NCALD: variants seen among roughly 807,000 people sequenced by gnomAD.
The protein encoded by NCALD is neurocalcin-delta.
A neutral mutation model predicts 18.6 loss-of-function variants in NCALD; 10 were observed. The observed-to-expected ratio is 0.54, with a 90% CI of 0.33 to 0.91. The LOEUF (loss-of-function observed/expected upper bound fraction) is 0.91, where lower values mean the gene tolerates loss of function less well. NCALD is among the 40% of genes least tolerant of loss of function. NCALD has a pLI of 0.03. For synonymous variants in NCALD, 88 were observed against 87.4 expected (o/e 1.01, Z -0.04); for missense variants, 184 against 247.6 (o/e 0.74, Z 1.72).
chr8:102,060,253 T>C (rs1481327143), intron 1 of NCALD, among the ~76,000 whole-genome samples: 2 of 152,182 alleles, frequency 1.3e-5, no homozygotes, highest in Non-Finnish European at 2.9e-5. Flanking sequence ...AATGCTGGGA[T>C]TACAGGCATG....
At position 101,934,426 on chromosome 8, in the gene NCALD, C is replaced by T. The variant is rs181008594; in HGVS notation, c.-156-18568G>A. On this transcript the variant is annotated intron_variant, in intron 2 of 6. Transcript: ENST00000311028. ...GATAAGCTCCCGCAAGAAGATTAGG[C>T]ATAGTGAGAAGAATGGAGAAATAAA... 1.6e-4 allele frequency among the ~76,000 whole-genome samples: 24 copies of T among 151,994 alleles called. No homozygotes were observed. The East Asian group carries it at 4.6e-3, about 29-fold the overall frequency.
intron 1 of NCALD, among the ~76,000 whole-genome samples, chr8:102,057,747 T>G (rs184857592): frequency 6.6e-6 from 1 of 152,350 alleles, no homozygotes; most frequent in East Asian, 1.9e-4. Flanking sequence ...TTACATTCAC[T>G]GCCTAACTTT....
intron 1 of NCALD, among the ~76,000 whole-genome samples, chr8:101,720,699 A>G (rs1816312969): frequency 6.6e-6 from 1 of 152,206 alleles, no homozygotes; most frequent in Non-Finnish European, 1.5e-5. Flanking sequence ...CTACTCCCTT[A>G]AAGAATGATT....
chr8:101,902,272 G>GTT (rs71268535), intron 3 of NCALD, among the ~76,000 whole-genome samples: 1 of 112,146 alleles, frequency 8.9e-6, no homozygotes, highest in African/African-American at 5.3e-5. Context: ...CATCCACTGA[G>GTT]TTTTTTTTTT....
At chr8:101,714,629 T>C (rs1278058353) in intron 2 of NCALD, among the ~76,000 whole-genome samples, 1 of 152,116 alleles carries the variant, frequency 6.6e-6, no homozygotes, top group Non-Finnish European at 1.5e-5. Flanking sequence ...TTCACAGAAT[T>C]AGAAAAAAGT....
intron 4 of NCALD, among the ~76,000 whole-genome samples, chr8:101,864,170 A>T (rs1453271313): frequency 6.6e-6 from 1 of 152,218 alleles, no homozygotes; most frequent in African/African-American, 2.4e-5. Context: ...AAGCAAGTCT[A>T]CTTCCTGCTA....
chr8:101,726,185 T>C (rs1230250859), intron 1 of NCALD, among the ~76,000 whole-genome samples: 1 of 152,148 alleles, frequency 6.6e-6, no homozygotes, highest in African/African-American at 2.4e-5. Flanking sequence ...ATGTGGAACC[T>C]GGAGGTGACT....
chr8:102,030,263 G>C (rs1822620746), intron 1 of NCALD, among the ~76,000 whole-genome samples: 1 of 152,218 alleles, frequency 6.6e-6, no homozygotes, highest in South Asian at 2.1e-4. Flanking sequence ...AGAAAGGCCT[G>C]AGCTGGAGAA....
Position 101,851,147 on chromosome 8 carries a change from T to C in NCALD, c.-20+35994A>G, listed in dbSNP as rs568565904. ...AAAAACCTGTTATCCCTGGAGAATC[T>C]TACGAGATTAGTGTTCTTTAGCTTA... On this transcript the variant is annotated intron_variant, in intron 4 of 6. Transcript: ENST00000311028. Among the ~76,000 whole-genome samples the C allele has an allele frequency of 6.6e-5, 10 of 152,334 alleles. No individual in the cohort carries two copies. The East Asian group carries it at 7.7e-4, about 12-fold the overall frequency.
At chr8:101,854,101 T>C (rs945109154) in intron 4 of NCALD, among the ~76,000 whole-genome samples, 3 of 152,236 alleles carry the variant, frequency 2.0e-5, no homozygotes, top group African/African-American at 4.8e-5. Flanking sequence ...ATGTTTAAAA[T>C]GTGAAACCTT....
At chr8:102,060,066 C>T (rs918015356) in intron 1 of NCALD, among the ~76,000 whole-genome samples, 1 of 152,146 alleles carries the variant, frequency 6.6e-6, no homozygotes, top group Non-Finnish European at 1.5e-5. Flanking sequence ...CTGCAAGCTT[C>T]GCCTCCCAGG....
intron 1 of NCALD, among the ~76,000 whole-genome samples, chr8:102,118,148 G>A (rs1363978063): frequency 6.6e-6 from 1 of 152,222 alleles, no homozygotes; most frequent in African/African-American, 2.4e-5. Context: ...GGAGGCACCA[G>A]CACCAGATCA....
chr8:101,902,388 T>C (rs1014838249), intron 3 of NCALD, among the ~76,000 whole-genome samples: 1 of 152,164 alleles, frequency 6.6e-6, no homozygotes, highest in Non-Finnish European at 1.5e-5. Flanking sequence ...AAGAAACTTC[T>C]TTCTGCTTCC....
intron 4 of NCALD, among the ~76,000 whole-genome samples, chr8:101,879,693 A>T (rs1324423378): frequency 6.6e-6 from 1 of 152,152 alleles, no homozygotes; most frequent in Non-Finnish European, 1.5e-5. Flanking sequence ...CAGAGCACTC[A>T]TTGGTCCGTT....
At position 101,688,540 on chromosome 8, in the gene NCALD, T is replaced by G; in HGVS notation, c.*769A>C. 2.6e-6 allele frequency: 1 copy of G among 380,606 alleles called. No homozygotes were observed. The highest frequency in any genetic ancestry group is 7.3e-5 in the East Asian group (1 of 13,790). The allele number at this position is 380,606 out of a possible 1,614,324, so 23.6% of individuals were successfully genotyped here. The stretch of plus-strand genomic sequence containing the variant: ...TTTCATTTAAACAAGGCAAAACACT[T>G]AATTTGGTCTGCATTACCCAATATG... On this transcript the variant is annotated 3_prime_UTR_variant, in exon 4 of 4. Coordinates refer to ENST00000220931, the MANE Select transcript of NCALD (RefSeq NM_032041.3).
intron 1 of NCALD, among the ~76,000 whole-genome samples, chr8:102,112,172 A>G (rs879523003): frequency 1.3e-5 from 2 of 152,190 alleles, no homozygotes; most frequent in Non-Finnish European, 2.9e-5. Flanking sequence ...CTCTGGTATT[A>G]AGAACAGCAG....
intron 2 of NCALD, among the ~76,000 whole-genome samples, chr8:101,959,065 A>C (rs559955601): frequency 3.9e-5 from 6 of 152,254 alleles, no homozygotes; most frequent in African/African-American, 1.2e-4. Flanking sequence ...ATTTATGTTC[A>C]TCCACTAGTC....
chr8:101,873,525 AC>A (rs1452667654), intron 4 of NCALD, among the ~76,000 whole-genome samples: 1 of 152,256 alleles, frequency 6.6e-6, no homozygotes, highest in Non-Finnish European at 1.5e-5. Flanking sequence ...CACAGCTATA[AC>A]TGCTGCTTAG....
At chr8:101,719,012 C>T (rs1222087188) in intron 2 of NCALD, among the ~76,000 whole-genome samples, 1 of 152,180 alleles carries the variant, frequency 6.6e-6, no homozygotes, top group Admixed American at 6.5e-5. Flanking sequence ...TTTAAATGCA[C>T]CTATGACCCG....
Sources: gnomAD v4.1 joint callset for allele counts (sites outside exome capture counted in the v4.1 genomes callset) on GRCh38, gnomAD v4.1.1 for gene constraint, MANE v1.5 for transcripts, NCBI Gene and HGNC (gene_info 2026-07-23, HGNC 2026-07-21) for gene names.